ZNF136: variants seen among roughly 807,000 people sequenced by gnomAD.
ZNF136 encodes the protein zinc finger protein 136.
ZNF136 carries 8 observed loss-of-function variants against 11.4 expected under a neutral mutation model. That is an observed-to-expected ratio of 0.70 (90% CI 0.41 to 1.27). The LOEUF is 1.27. ZNF136 is among the 50% of genes most tolerant of loss of function. The probability of loss-of-function intolerance (pLI) is 0.01; values close to 1 mark genes in which losing one functional copy is unlikely to be tolerated. For synonymous variants in ZNF136, 190 were observed against 207.1 expected (o/e 0.92, Z 0.71); for missense variants, 590 against 656.5 (o/e 0.90, Z 1.11).
Position 12,187,158 on chromosome 19 carries a change from C to T in ZNF136, c.780C>T (p.Pro260=), listed in dbSNP as rs1304452961. 5.6e-6 allele frequency: 9 copies of T among 1,613,910 alleles called. No individual in the cohort carries two copies. Among genetic ancestry groups the T allele is most frequent in the Non-Finnish European group, 7.6e-6 (9 of 1,179,996 alleles). Residue 260 remains proline, a synonymous_variant, in exon 4 of 4, where the codon CCC becomes CCT. Coordinates refer to ENST00000343979, the MANE Select transcript of ZNF136 (RefSeq NM_003437.5). ...GPYKCKVCGK[P]FHSLSSFQVH... ...ATAAATGTAAGGTATGTGGGAAACC[C>T]TTTCATTCTCTGAGTTCATTTCAAG...
At chr19:12,171,705 C>T (rs1049212793) in intron 1 of ZNF136, among the ~76,000 whole-genome samples, 1 of 151,390 alleles carries the variant, frequency 6.6e-6, no homozygotes, top group African/African-American at 2.4e-5. Flanking sequence ...TGTTTGTTGG[C>T]TTTTTTGGCC....
At position 12,168,057 on chromosome 19, in the gene ZNF136, CTTTTTTTTTTTTTTTTTTT is replaced by C. The variant is rs386388563; in HGVS notation, c.3+4863_3+4881del. Among the ~76,000 whole-genome samples the C allele has an allele frequency of 2.0e-4, 14 of 71,104 alleles. No homozygotes were observed. The East Asian group carries it at 2.0e-3, about 10-fold the overall frequency. The allele number at this position is 71,104 out of a possible 152,430, so 46.6% of individuals were successfully genotyped here. On this transcript the variant is annotated intron_variant, in intron 1 of 3. Coordinates refer to ENST00000343979, the MANE Select transcript of ZNF136 (RefSeq NM_003437.5). The stretch of plus-strand genomic sequence containing the variant: ...GCCCATTTTTTTTTCTTTTCTTTTT[CTTTTTTTTTTTTTTTTTTT>C]TTTTTTTTTTTGTGAGACGGAGCTT...
intron 1 of ZNF136, among the ~76,000 whole-genome samples, chr19:12,180,823 A>T (rs2145637749): frequency 6.6e-6 from 1 of 152,354 alleles, no homozygotes; most frequent in East Asian, 1.9e-4. Flanking sequence ...TGTGATGCTG[A>T]CTTTGGACAT....
intron 1 of ZNF136, among the ~76,000 whole-genome samples, chr19:12,166,701 A>G (rs2145625699): frequency 6.6e-6 from 1 of 152,340 alleles, no homozygotes; most frequent in South Asian, 2.1e-4. Flanking sequence ...TTGTCTGAAA[A>G]TAGTAGATTC....
In ZNF136 at chr19:12,186,886, T is replaced by C. The variant is rs1175072530; in HGVS notation, c.508T>C (p.Cys170Arg). ...TCACACTGGAGAGAAACTCTATGAT[T>C]GTAAGGAATGTGGAAAAACCTTCTT... ...IIHTGEKLYD[C>R]KECGKTFFSL... Residue 170 changes from cysteine to arginine, a missense_variant, in exon 4 of 4, where the codon TGT becomes CGT. Physicochemically the swap from Cys to Arg is radical, Grantham distance 180. Coordinates refer to ENST00000343979, the MANE Select transcript of ZNF136 (RefSeq NM_003437.5). The C allele has an allele frequency of 3.7e-6, 6 of 1,614,024 alleles. No individual in the cohort carries two copies. The highest frequency in any genetic ancestry group is 5.1e-6 in the Non-Finnish European group (6 of 1,179,978).
chr19:12,178,891 A>G (rs971567273), intron 1 of ZNF136, among the ~76,000 whole-genome samples: 7 of 152,066 alleles, frequency 4.6e-5, no homozygotes, highest in Non-Finnish European at 8.8e-5. Context: ...CGGGAGGCTG[A>G]GGCAGGAGAA....
rs1477325256 is a variant in ZNF136, at chr19:12,189,547, G to A, written c.*1546G>A. On this transcript the variant is annotated 3_prime_UTR_variant, in exon 4 of 4. Transcript: ENST00000343979. ...ATTTTTTGTATTTCTAGTAGAGATG[G>A]GGTTTCACCATGTTGGCCAGGCTGG... The A allele has an allele frequency of 6.6e-6, 1 of 152,044 alleles. No individual in the cohort carries two copies. Among genetic ancestry groups the A allele is most frequent in the African/African-American group, 2.4e-5 (1 of 41,372 alleles). 9.4% of individuals were successfully genotyped at this position (152,044 alleles called of 1,614,324 possible).
intron 1 of ZNF136, among the ~76,000 whole-genome samples, chr19:12,173,852 C>A (rs1375322744): frequency 6.6e-6 from 1 of 151,974 alleles, no homozygotes; most frequent in African/African-American, 2.4e-5. Flanking sequence ...GCTTCATAAT[C>A]GAATCGGTTT....
chr19:12,174,352 C>T (rs763637892), intron 1 of ZNF136, among the ~76,000 whole-genome samples: 7 of 152,154 alleles, frequency 4.6e-5, no homozygotes, highest in Non-Finnish European at 1.0e-4. Context: ...TTGTAGATAA[C>T]CATTTGTCCC....
intron 1 of ZNF136, among the ~76,000 whole-genome samples, chr19:12,174,658 C>T (rs541603742): frequency 1.3e-5 from 2 of 151,074 alleles, no homozygotes; most frequent in Non-Finnish European, 2.9e-5. Flanking sequence ...TTTTTTGAGA[C>T]GGAGTCTCGC....
chr19:12,163,564 A>G (rs1292939696), intron 1 of ZNF136, among the ~76,000 whole-genome samples: 1 of 152,162 alleles, frequency 6.6e-6, no homozygotes, highest in Admixed American at 6.5e-5. Context: ...TCCACAGAGG[A>G]CACCCGTTTT....
intron 2 of ZNF136, 48 bp downstream of exon 2, chr19:12,185,959 T>G (rs772792454): frequency 1.2e-6 from 2 of 1,610,112 alleles, no homozygotes; most frequent in South Asian, 2.2e-5. Context: ...AAGAAGTGCT[T>G]CTTGTGCAGT....
Position 12,187,538 on chromosome 19 carries a change from C to A in ZNF136, c.1160C>A (p.Thr387Asn). The change falls in exon 4 of 4, where the codon ACT becomes AAT. Residue 387 changes from threonine to asparagine, a missense_variant. Thr to Asn is a moderately conservative substitution (Grantham distance 65). Coordinates refer to ENST00000343979, the MANE Select transcript of ZNF136 (RefSeq NM_003437.5). ...PSMRRHMIKH[T>N]GEGPYKCKVC... ...ATGCGAAGACACATGATAAAACATA[C>A]TGGAGAAGGACCTTATAAATGTAAG... 1 of 1,613,938 alleles carries A rather than the reference C, an allele frequency of 6.2e-7. No individual in the cohort carries two copies. The highest frequency in any genetic ancestry group is 8.5e-7 in the Non-Finnish European group (1 of 1,179,970).
chr19:12,181,405 G>A (rs78382582), intron 1 of ZNF136, among the ~76,000 whole-genome samples: 4,484 of 152,054 alleles, frequency 0.029, 190 homozygotes, highest in African/African-American at 0.095. Context: ...CCCAACACCA[G>A]CTTCTGTTCT....
At chr19:12,167,744 C>G (rs1914516106) in intron 1 of ZNF136, among the ~76,000 whole-genome samples, 1 of 152,126 alleles carries the variant, frequency 6.6e-6, no homozygotes, top group African/African-American at 2.4e-5. Flanking sequence ...CTACCTAAAA[C>G]CTTTGTACAA....
At chr19:12,186,033 A>C in intron 2 of ZNF136, 81 bp from the exon 3 acceptor site, 1 of 1,593,748 alleles carries the variant, frequency 6.3e-7, no homozygotes, top group Non-Finnish European at 8.6e-7. Context: ...AGGCATAGTC[A>C]CAGGGTATCA....
At chr19:12,173,238 G>T (rs1377300163) in intron 1 of ZNF136, among the ~76,000 whole-genome samples, 1 of 152,170 alleles carries the variant, frequency 6.6e-6, no homozygotes, top group Non-Finnish European at 1.5e-5. Flanking sequence ...CAGAGGCTAA[G>T]AAGAGTCAGC....
Position 12,188,131 on chromosome 19 carries a change from C to T in ZNF136, c.*130C>T, listed in dbSNP as rs1443293578. 1.6e-5 allele frequency: 11 copies of T among 675,676 alleles called. No homozygotes were observed. Among genetic ancestry groups the T allele is most frequent in the Middle Eastern group, 2.7e-4 (1 of 3,696 alleles). 41.9% of individuals were successfully genotyped at this position (675,676 alleles called of 1,614,324 possible). A position where few individuals can be genotyped will look rare whatever the true frequency, so the allele number is the denominator to read the frequency against. On this transcript the variant is annotated 3_prime_UTR_variant, in exon 4 of 4. Transcript: ENST00000343979. The stretch of plus-strand genomic sequence containing the variant: ...ACATGAAAGAATTCTAGAGAGAAGC[C>T]ATATACATGTAAGTAACATGGGAAA...
chr19:12,163,224 T>G lies in ZNF136; in HGVS notation c.3+18T>G. On this transcript the variant is annotated intron_variant, in intron 1 of 3. Transcript: ENST00000343979. Reference sequence around the variant, plus strand: ...AGGAAATGGTGAGTGTGTCGGGCCCTGCGTCCCGAGACAGGGAGGAGGGGC... The same window carrying G: ...AGGAAATGGTGAGTGTGTCGGGCCCGGCGTCCCGAGACAGGGAGGAGGGGC... 1 of 1,382,116 alleles carries G rather than the reference T, an allele frequency of 7.2e-7. No individual in the cohort carries two copies. Among genetic ancestry groups the G allele is most frequent in the Non-Finnish European group, 9.4e-7 (1 of 1,058,430 alleles). The allele number at this position is 1,382,116 out of a possible 1,614,324, so 85.6% of individuals were successfully genotyped here.
Sources: gnomAD v4.1 joint callset for allele counts (sites outside exome capture counted in the v4.1 genomes callset) on GRCh38, gnomAD v4.1.1 for gene constraint, MANE v1.5 for transcripts, NCBI Gene and HGNC (gene_info 2026-07-23, HGNC 2026-07-21) for gene names.